The following IGSF21 variants were observed in gnomAD, a reference collection of about 807,000 sequenced individuals.
The protein encoded by IGSF21 is immunoglobin superfamily member 21.
Under a neutral mutation model 46.8 loss-of-function variants are expected in IGSF21, and 28 were observed. The ratio of observed to expected loss-of-function variants is 0.60; its 90% CI spans 0.44 to 0.82. The LOEUF (loss-of-function observed/expected upper bound fraction) is 0.82. Ranked by LOEUF, IGSF21 falls within the 40% of genes least tolerant of loss-of-function variation. The pLI is 0.00. For missense variants in IGSF21, 624 were observed against 665.5 expected (o/e 0.94, Z 0.69); for synonymous variants, 284 against 273.6 (o/e 1.04, Z -0.38).
intron 3 of IGSF21, among the ~76,000 whole-genome samples, chr1:18,297,427 G>A (rs1038515225): frequency 1.3e-5 from 2 of 152,038 alleles, no homozygotes; most frequent in Non-Finnish European, 2.9e-5. Flanking sequence ...CAATGATGGA[G>A]ATAAAGTGGT....
intron 1 of IGSF21, among the ~76,000 whole-genome samples, chr1:18,203,488 T>C (rs1207113223): frequency 1.3e-5 from 2 of 152,208 alleles, no homozygotes; most frequent in African/African-American, 4.8e-5. Flanking sequence ...TTTGTATTTT[T>C]AGTAGAGACA....
At chr1:18,301,609 G>A (rs1050862680) in intron 3 of IGSF21, among the ~76,000 whole-genome samples, 12 of 152,138 alleles carry the variant, frequency 7.9e-5, no homozygotes, top group Admixed American at 4.6e-4. Context: ...CAAAGTGCTG[G>A]GATTACAGGC....
At chr1:18,287,180 C>CAAA (rs1157021116) in intron 2 of IGSF21, among the ~76,000 whole-genome samples, 8 of 31,870 alleles carry the variant, frequency 2.5e-4, no homozygotes, top group African/African-American at 4.3e-4. Flanking sequence ...GACTCCGTCT[C>CAAA]AAAAAAAAAA....
chr1:18,353,217 C>CT (rs938506621), intron 4 of IGSF21, among the ~76,000 whole-genome samples: 13 of 151,942 alleles, frequency 8.6e-5, no homozygotes, highest in African/African-American at 2.9e-4. Context: ...AAGAGTTGCA[C>CT]TTTTTTTTCC....
At chr1:18,137,624 G>A (rs2086378243) in intron 1 of IGSF21, among the ~76,000 whole-genome samples, 1 of 152,112 alleles carries the variant, frequency 6.6e-6, no homozygotes, top group South Asian at 2.1e-4. Context: ...AGCCCACTGA[G>A]GAAAGCCACT....
chr1:18,243,038 A>G (rs1050170584), intron 2 of IGSF21, among the ~76,000 whole-genome samples: 4 of 152,192 alleles, frequency 2.6e-5, no homozygotes, highest in South Asian at 2.1e-4. Flanking sequence ...AGGGTCAGGA[A>G]GAGGGGAGGC....
intron 3 of IGSF21, among the ~76,000 whole-genome samples, chr1:18,318,533 T>C (rs1018164410): frequency 2.0e-5 from 3 of 151,838 alleles, no homozygotes; most frequent in Non-Finnish European, 4.4e-5. Context: ...TAGACCTTGG[T>C]GAGAATCCAA....
At chr1:18,273,397 T>TTCCTA (rs2085064186) in intron 2 of IGSF21, among the ~76,000 whole-genome samples, 1 of 148,152 alleles carries the variant, frequency 6.7e-6, no homozygotes, top group African/African-American at 2.5e-5. Flanking sequence ...TTCCTTTCCT[T>TTCCTA]TCCTTTCCTT....
At chr1:18,184,891 G>A (rs1414428485) in intron 1 of IGSF21, among the ~76,000 whole-genome samples, 1 of 152,190 alleles carries the variant, frequency 6.6e-6, no homozygotes, top group Non-Finnish European at 1.5e-5. Context: ...TCCCAGTCCA[G>A]ACACTTCTGA....
At chr1:18,221,416 T>A (rs2084509178) in intron 1 of IGSF21, among the ~76,000 whole-genome samples, 1 of 152,070 alleles carries the variant, frequency 6.6e-6, no homozygotes, top group Admixed American at 6.5e-5. Flanking sequence ...ATGGAAGCCC[T>A]CGCTGACCCC....
intron 1 of IGSF21, among the ~76,000 whole-genome samples, chr1:18,219,567 T>G (rs2084486359): frequency 6.6e-6 from 1 of 152,132 alleles, no homozygotes; most frequent in Non-Finnish European, 1.5e-5. Context: ...GCTAGTTGGA[T>G]TCTGCATATA....
At chr1:18,263,656 T>C (rs1487683760) in intron 2 of IGSF21, among the ~76,000 whole-genome samples, 1 of 152,162 alleles carries the variant, frequency 6.6e-6, no homozygotes. Flanking sequence ...CAACCTTCTC[T>C]GGCAGCATCA....
intron 5 of IGSF21, among the ~76,000 whole-genome samples, chr1:18,363,253 G>C (rs1404410115): frequency 6.6e-6 from 1 of 152,198 alleles, no homozygotes; most frequent in Non-Finnish European, 1.5e-5. Context: ...TGTGGAGCTA[G>C]AGCAATGGGT....
chr1:18,189,737 G>A (rs1318749146), intron 1 of IGSF21, among the ~76,000 whole-genome samples: 3 of 152,184 alleles, frequency 2.0e-5, no homozygotes, highest in African/African-American at 4.8e-5. Flanking sequence ...GACAGGAGGT[G>A]GAGCTCAGGT....
chr1:18,274,992 A>G (rs2085085484), intron 2 of IGSF21, among the ~76,000 whole-genome samples: 1 of 152,102 alleles, frequency 6.6e-6, no homozygotes, highest in Non-Finnish European at 1.5e-5. Context: ...GCGCCACTGC[A>G]CTCCAGCCTG....
At position 18,314,852 on chromosome 1, in the gene IGSF21, C is replaced by T. The variant is rs555823935; in HGVS notation, c.306-20040C>T. Among the ~76,000 whole-genome samples, 5 of 152,194 alleles carry T rather than the reference C, an allele frequency of 3.3e-5. No individual in the cohort carries two copies. In the East Asian group the frequency reaches 5.8e-4, roughly 18 times the overall value. ...AGGAGGAGGGGAAGAGCTGGATGGG[C>T]GGATGACATCCAGGCTCAGCGGCAG... On this transcript the variant is annotated intron_variant, in intron 3 of 9. Coordinates refer to ENST00000251296, the MANE Select transcript of IGSF21 (RefSeq NM_032880.5).
chr1:18,282,230 G>T (rs747831427), intron 2 of IGSF21, among the ~76,000 whole-genome samples: 1 of 152,100 alleles, frequency 6.6e-6, no homozygotes, highest in Non-Finnish European at 1.5e-5. Context: ...ACCTGATGAC[G>T]CTTGTTAAAA....
intron 1 of IGSF21, among the ~76,000 whole-genome samples, chr1:18,214,098 TTAA>T (rs1487721997): frequency 6.6e-6 from 1 of 152,074 alleles, no homozygotes; most frequent in Non-Finnish European, 1.5e-5. Context: ...GAAACACATA[TTAA>T]TAATAAATAA....
chr1:18,155,973 A>G (rs2086564777), intron 1 of IGSF21, among the ~76,000 whole-genome samples: 1 of 152,244 alleles, frequency 6.6e-6, no homozygotes. Flanking sequence ...AAGGTGAAGT[A>G]TTAATACATA....
Sources: gnomAD v4.1 joint callset for allele counts (sites outside exome capture counted in the v4.1 genomes callset) on GRCh38, gnomAD v4.1.1 for gene constraint, MANE v1.5 for transcripts, NCBI Gene and HGNC (gene_info 2026-07-23, HGNC 2026-07-21) for gene names.